The following DNER variants were observed in gnomAD, a reference collection of about 807,000 sequenced individuals.
DNER encodes delta and Notch-like epidermal growth factor-related receptor.
In DNER, 33 loss-of-function variants were observed where a neutral mutation model predicts 78.2. That is an observed-to-expected ratio of 0.42 (90% CI 0.32 to 0.56). The LOEUF (loss-of-function observed/expected upper bound fraction) is 0.56. Ranked by LOEUF, DNER falls within the 20% of genes least tolerant of loss-of-function variation. DNER has a pLI of 0.11. For missense variants in DNER, 918 were observed against 975.3 expected, an observed-to-expected ratio of 0.94 and a Z score of 0.78; for synonymous variants, 417 against 384.8, an observed-to-expected ratio of 1.08 and a Z score of -0.98.
chr2:229,437,445 C>G (rs1028200487), intron 8 of DNER, among the ~76,000 whole-genome samples: 2 of 152,136 alleles, frequency 1.3e-5, no homozygotes, highest in Non-Finnish European at 2.9e-5. Context: ...GGCATTGTCC[C>G]CAGGTTGTTG....
chr2:229,705,540 C>T (rs1191321744), intron 1 of DNER, among the ~76,000 whole-genome samples: 1 of 152,186 alleles, frequency 6.6e-6, no homozygotes, highest in Non-Finnish European at 1.5e-5. Flanking sequence ...CCTTTTCCCT[C>T]TGGTGCTCAC....
rs201881122 is a variant in DNER, at chr2:229,447,476, G to A, written c.1326C>T (p.Asn442=). ...DPCASSPCQN[N]GTCYVDGVHF... ...GTACCCCGTCCACATAGCAGGTGCC[G>A]TTGTTCTGGCACGGAGACGAGGCGC... Residue 442 remains asparagine, a synonymous_variant, in exon 8 of 13, where the codon AAC becomes AAT. Coordinates refer to ENST00000341772, the MANE Select transcript of DNER (RefSeq NM_139072.4). 3.8e-5 allele frequency: 62 copies of A among 1,614,062 alleles called. No homozygotes were observed. Among genetic ancestry groups the A allele is most frequent in the Admixed American group, 2.5e-4 (15 of 60,008 alleles).
At chr2:229,642,503 CT>C in intron 1 of DNER, among the ~76,000 whole-genome samples, 1 of 152,336 alleles carries the variant, frequency 6.6e-6, no homozygotes, top group South Asian at 2.1e-4. Flanking sequence ...AGGTCAGTGA[CT>C]CCAGAAGCTA....
Position 229,651,794 on chromosome 2 carries a change from C to A in DNER, c.277-59906G>T, listed in dbSNP as rs183522677. Among the ~76,000 whole-genome samples the A allele has an allele frequency of 6.9e-3, 1,049 of 152,276 alleles. 10 individuals are homozygous for A. Among genetic ancestry groups the A allele is most frequent in the Non-Finnish European group, 0.012 (788 of 68,004 alleles). ...AAAAGGAACATGAGGAAGCAACTAG[C>A]AATCAAACAGAGTCTAGACAAAGGA... is the stretch of plus-strand genomic sequence containing the variant. On this transcript the variant is annotated intron_variant, in intron 1 of 12. Transcript: ENST00000341772.
At chr2:229,495,910 T>C (rs1311977008) in intron 6 of DNER, among the ~76,000 whole-genome samples, 2 of 152,236 alleles carry the variant, frequency 1.3e-5, no homozygotes, top group Non-Finnish European at 2.9e-5. Context: ...CCAACCAGTA[T>C]CACCTGGTGG....
At chr2:229,413,101 T>G (rs1693558728) in intron 9 of DNER, among the ~76,000 whole-genome samples, 1 of 152,096 alleles carries the variant, frequency 6.6e-6, no homozygotes, top group South Asian at 2.1e-4. Flanking sequence ...CTAGAAGGGC[T>G]TATTTGAAAA....
At chr2:229,695,133 C>A (rs1346316951) in intron 1 of DNER, among the ~76,000 whole-genome samples, 1 of 152,228 alleles carries the variant, frequency 6.6e-6, no homozygotes, top group Non-Finnish European at 1.5e-5. Flanking sequence ...TTTGCTTCCC[C>A]TTTCACCATG....
intron 1 of DNER, among the ~76,000 whole-genome samples, chr2:229,668,852 C>T (rs1486877904): frequency 6.6e-6 from 1 of 151,720 alleles, no homozygotes; most frequent in African/African-American, 2.4e-5. Context: ...CCATTTGACC[C>T]AGCAATTCCA....
intron 12 of DNER, among the ~76,000 whole-genome samples, chr2:229,364,520 C>T (rs755374304): frequency 1.1e-4 from 16 of 152,072 alleles, no homozygotes; most frequent in Non-Finnish European, 2.4e-4. Flanking sequence ...GAAAGGAAGG[C>T]GCTAAGATGA....
chr2:229,509,839 A>T (rs1221386566), intron 6 of DNER, among the ~76,000 whole-genome samples: 2 of 152,210 alleles, frequency 1.3e-5, no homozygotes, highest in Admixed American at 6.5e-5. Context: ...ATATAAAATA[A>T]AAAAGGGGAG....
At chr2:229,543,655 C>T (rs976588122) in intron 5 of DNER, among the ~76,000 whole-genome samples, 4 of 152,276 alleles carry the variant, frequency 2.6e-5, no homozygotes, top group South Asian at 2.1e-4. Flanking sequence ...TCCTCCTCCC[C>T]GAAGGCTCAC....
chr2:229,519,861 C>A (rs1423939455), intron 5 of DNER, among the ~76,000 whole-genome samples: 1 of 152,170 alleles, frequency 6.6e-6, no homozygotes, highest in Non-Finnish European at 1.5e-5. Flanking sequence ...GTCAGGCTGC[C>A]TTCATCAGCT....
chr2:229,647,790 T>A (rs1574942453), intron 1 of DNER, among the ~76,000 whole-genome samples: 1 of 152,328 alleles, frequency 6.6e-6, no homozygotes, highest in East Asian at 1.9e-4. Flanking sequence ...CTCATAAGAA[T>A]TTTAAGGGAA....
intron 1 of DNER, among the ~76,000 whole-genome samples, chr2:229,608,552 C>T (rs1169665427): frequency 6.6e-6 from 1 of 152,134 alleles, no homozygotes; most frequent in African/African-American, 2.4e-5. Context: ...TATCTGAAAG[C>T]CACAGACAAA....
At chr2:229,488,463 G>A (rs1695325851) in intron 6 of DNER, among the ~76,000 whole-genome samples, 1 of 152,216 alleles carries the variant, frequency 6.6e-6, no homozygotes, top group Non-Finnish European at 1.5e-5. Flanking sequence ...ATGTATATGA[G>A]TGCACATGTG....
Position 229,477,192 on chromosome 2 carries a change from A to G in DNER, c.1209T>C (p.Asn403=). 1 of 1,614,092 alleles carries G rather than the reference A, an allele frequency of 6.2e-7. No homozygotes were observed. The change falls in exon 7 of 13, where the codon AAT becomes AAC. Residue 403 remains asparagine, a synonymous_variant. Coordinates refer to ENST00000341772, the MANE Select transcript of DNER (RefSeq NM_139072.4). Reference sequence around the variant, plus strand: ...TGAGACTGGAAATGCATGTTGCTCCATTTCTGCATGGGTCTAGGATGCAGT... The same window carrying G: ...TGAGACTGGAAATGCATGTTGCTCCGTTTCTGCATGGGTCTAGGATGCAGT... The part of the protein sequence containing the change: ...IDYCILDPCR[N]GATCISSLSG...
At chr2:229,430,451 G>T (rs1693979000) in intron 8 of DNER, among the ~76,000 whole-genome samples, 1 of 152,052 alleles carries the variant, frequency 6.6e-6, no homozygotes, top group Non-Finnish European at 1.5e-5. Context: ...AATCTGAGTG[G>T]GCACCAGCTA....
In DNER at chr2:229,436,083, A is replaced by G. The variant is rs184196311; in HGVS notation, c.1486+11233T>C. Among the ~76,000 whole-genome samples, 4 of 152,268 alleles carry G rather than the reference A, an allele frequency of 2.6e-5. No individual in the cohort carries two copies. The East Asian group carries it at 7.7e-4, about 29-fold the overall frequency. ...GTAATAAGTATAGTACACAGTAAGT[A>G]GTTTTTCGACCCTCATCCTCCTCCC... On this transcript the variant is annotated intron_variant, in intron 8 of 12. Transcript: ENST00000341772.
chr2:229,642,588 AG>A (rs939280676), intron 1 of DNER, among the ~76,000 whole-genome samples: 1 of 152,224 alleles, frequency 6.6e-6, no homozygotes, highest in African/African-American at 2.4e-5. Flanking sequence ...GAACAAGAGA[AG>A]CCCTTCCCTG....
Sources: gnomAD v4.1 joint callset for allele counts (sites outside exome capture counted in the v4.1 genomes callset) on GRCh38, gnomAD v4.1.1 for gene constraint, MANE v1.5 for transcripts, NCBI Gene and HGNC (gene_info 2026-07-23, HGNC 2026-07-21) for gene names.